PIN4: variants seen among roughly 807,000 people sequenced by gnomAD.
PIN4 encodes the protein peptidyl-prolyl cis-trans isomerase NIMA-interacting 4.
In PIN4, 3 loss-of-function variants were observed where a neutral mutation model predicts 8.3. That is an observed-to-expected ratio of 0.36 (90% CI 0.16 to 0.93). The LOEUF is 0.93. Among genes scored for constraint, PIN4 ranks in the 40% least tolerant of loss-of-function variants. The pLI is 0.44. For synonymous variants in PIN4, 18 were observed against 32.5 expected (o/e 0.55, Z 1.52); for missense variants, 75 against 100.6 (o/e 0.75, Z 1.09).
chrX:72,237,425 C>T (rs58557246), intron 3 of PIN4, among the ~76,000 whole-genome samples: 12,534 of 109,735 alleles, frequency 0.11, 960 homozygotes, highest in East Asian at 0.48. Flanking sequence ...GGTGAAACCC[C>T]GTCTCTACCA....
intron 3 of PIN4, among the ~76,000 whole-genome samples, chrX:72,235,553 G>A (rs751870905): frequency 1.4e-4 from 15 of 110,346 alleles, no homozygotes; most frequent in Non-Finnish European, 2.8e-4. Flanking sequence ...GTACCACCAC[G>A]TCCAGCTTAT....
chrX:72,257,269 C>T (rs760061788), intron 3 of PIN4, among the ~76,000 whole-genome samples: 1 of 111,363 alleles, frequency 9.0e-6, no homozygotes, highest in East Asian at 2.8e-4. Flanking sequence ...TGCAGTGAGC[C>T]GAGATCGTGC....
At chrX:72,260,158 T>C (rs2147620004) in intron 3 of PIN4, among the ~76,000 whole-genome samples, 1 of 111,740 alleles carries the variant, frequency 8.9e-6, no homozygotes, top group East Asian at 2.8e-4. Flanking sequence ...GAGAGTGGGA[T>C]TGGTTGTTTG....
intron 2 of PIN4, 102 bp downstream of exon 2, chrX:72,186,636 T>G: frequency 7.4e-6 from 4 of 540,364 alleles, no homozygotes; most frequent in African/African-American, 2.3e-5. Flanking sequence ...CAGGCTAGCC[T>G]AACACTGGTA....
chrX:72,222,950 A>G (rs1311614710), intron 3 of PIN4, among the ~76,000 whole-genome samples: 2 of 109,023 alleles, frequency 1.8e-5, no homozygotes, highest in South Asian at 4.0e-4. Flanking sequence ...AAATATACCA[A>G]TCTGGATCCA....
intron 3 of PIN4, among the ~76,000 whole-genome samples, chrX:72,213,612 C>T (rs2042870121): frequency 2.7e-5 from 3 of 112,160 alleles, no homozygotes; most frequent in South Asian, 3.7e-4. Flanking sequence ...GCAGGGTGTC[C>T]GCTGCGTTTC....
At chrX:72,205,562 T>G in intron 3 of PIN4, 1 of 1,211,265 alleles carries the variant, frequency 8.3e-7, no homozygotes, top group Non-Finnish European at 1.1e-6. Context: ...CCTGGTGGAC[T>G]GATGTCATTT....
chrX:72,206,633 A>T, intron 3 of PIN4: 3 of 1,210,842 alleles, frequency 2.5e-6, no homozygotes, highest in Non-Finnish European at 3.4e-6. Flanking sequence ...TTATTTTGAG[A>T]CTCGAATTCA....
intron 3 of PIN4, among the ~76,000 whole-genome samples, chrX:72,252,244 T>G (rs1456420140): frequency 9.1e-6 from 1 of 110,242 alleles, no homozygotes; most frequent in Non-Finnish European, 1.9e-5. Flanking sequence ...AACCTCCTGG[T>G]CTCCAAGCCT....
At chrX:72,193,688 CTG>C (rs1207804827) in intron 2 of PIN4, among the ~76,000 whole-genome samples, 1 of 110,045 alleles carries the variant, frequency 9.1e-6, no homozygotes, top group East Asian at 2.9e-4. Context: ...CTGGCTAACA[CTG>C]TGAAACCCTG....
rs184693303 is a variant in PIN4 at position 72,215,927 on chromosome X, C to G, written c.312+19023C>G. ...CTCAGTCTGCATCTTGAATTCCTCT[C>G]CATCCACATATCCCCTATAAAATGT... On this transcript the variant is annotated intron_variant, in intron 3 of 3. Coordinates refer to the PIN4 transcript ENST00000423432. 5.8e-3 allele frequency among the ~76,000 whole-genome samples: 648 copies of G among 110,813 alleles called. 3 individuals carry two copies. Among genetic ancestry groups the G allele is most frequent in the Non-Finnish European group, 9.5e-3 (503 of 52,991 alleles).
At chrX:72,244,156 C>T (rs868253702) in intron 3 of PIN4, among the ~76,000 whole-genome samples, 1 of 111,886 alleles carries the variant, frequency 8.9e-6, no homozygotes, top group African/African-American at 3.3e-5. Flanking sequence ...ACAGACAAGT[C>T]CTTGCTATCA....
intron 3 of PIN4, among the ~76,000 whole-genome samples, chrX:72,230,277 A>G (rs2042976156): frequency 9.0e-6 from 1 of 111,039 alleles, no homozygotes; most frequent in Admixed American, 9.6e-5. Flanking sequence ...AACCAGAGAC[A>G]TGCTAGCCCC....
chrX:72,200,327 A>G (rs1602432831), downstream of PIN4, among the ~76,000 whole-genome samples: 1 of 112,239 alleles, frequency 8.9e-6, no homozygotes, highest in African/African-American at 3.2e-5. Flanking sequence ...TTAAAATCAA[A>G]ATAAGATACA....
At chrX:72,231,484 G>C (rs905253152) in intron 3 of PIN4, among the ~76,000 whole-genome samples, 1 of 111,105 alleles carries the variant, frequency 9.0e-6, no homozygotes, top group African/African-American at 3.3e-5. Flanking sequence ...AGGTTCTAGT[G>C]ATCTACTGCA....
intron 3 of PIN4, among the ~76,000 whole-genome samples, chrX:72,236,845 T>C (rs981986368): frequency 6.2e-5 from 7 of 112,300 alleles, no homozygotes; most frequent in African/African-American, 2.3e-4. Flanking sequence ...CTATGGACAA[T>C]GTTAAGTGAG....
At chrX:72,201,289 C>T (rs1314751377), downstream of PIN4, among the ~76,000 whole-genome samples, 1 of 112,103 alleles carries the variant, frequency 8.9e-6, no homozygotes, top group Non-Finnish European at 1.9e-5. Flanking sequence ...TACAGTAGTC[C>T]AAAGTTTTTA....
chrX:72,193,909 A>T (rs2042749770), intron 2 of PIN4, among the ~76,000 whole-genome samples: 1 of 110,880 alleles, frequency 9.0e-6, no homozygotes, highest in South Asian at 3.7e-4. Flanking sequence ...TAGAATAAGG[A>T]TATGAAGAAA....
At position 72,207,264 on chromosome X, in the gene PIN4, A is replaced by C. The variant is rs1258093199; in HGVS notation, c.312+10360A>C. 2.5e-6 allele frequency: 3 copies of C among 1,211,815 alleles called. No individual in the cohort carries two copies. Among genetic ancestry groups the C allele is most frequent in the Non-Finnish European group, 3.4e-6 (3 of 895,376 alleles). ...CTGTCCCATCGATTCGCAATGTCTT[A>C]AAGTGCCTATTCTTTAAGAGGCGTT... On this transcript the variant is annotated intron_variant, in intron 3 of 3. Coordinates refer to the PIN4 transcript ENST00000423432.
Sources: gnomAD v4.1 joint callset for allele counts (sites outside exome capture counted in the v4.1 genomes callset) on GRCh38, gnomAD v4.1.1 for gene constraint, MANE v1.5 for transcripts, NCBI Gene and HGNC (gene_info 2026-07-23, HGNC 2026-07-21) for gene names.